Variants in ELMO1 observed in about 807,000 individuals in gnomAD.
ELMO1 encodes the protein engulfment and cell motility 1.
A neutral mutation model predicts 98.9 loss-of-function variants in ELMO1; 26 were observed. The ratio of observed to expected loss-of-function variants is 0.26; its 90% confidence interval spans 0.19 to 0.36. The LOEUF is 0.36. ELMO1 is among the 10% of genes least tolerant of loss of function. The pLI, the probability that ELMO1 is intolerant of heterozygous loss-of-function variation, is 1.00. For synonymous variants in ELMO1, 346 were observed against 346.0 expected (o/e 1.00, Z 0.00); for missense variants, 627 against 935.2 (o/e 0.67, Z 4.30).
At chr7:37,249,000 T>TA (rs1795173637) in intron 6 of ELMO1, among the ~76,000 whole-genome samples, 1 of 152,232 alleles carries the variant, frequency 6.6e-6, no homozygotes, top group Admixed American at 6.5e-5. Context: ...CACCTCCTCT[T>TA]ACGTCTCACA....
At chr7:37,391,853 T>C (rs1803092087) in intron 1 of ELMO1, among the ~76,000 whole-genome samples, 1 of 152,192 alleles carries the variant, frequency 6.6e-6, no homozygotes, top group South Asian at 2.1e-4. Context: ...CCAGAAGGCC[T>C]ACAGGAGAAG....
chr7:36,888,579 A>G (rs1375889859), intron 17 of ELMO1, among the ~76,000 whole-genome samples: 1 of 152,186 alleles, frequency 6.6e-6, no homozygotes, highest in Admixed American at 6.5e-5. Flanking sequence ...TCTAAGTCTC[A>G]GTTTCTTCAT....
intron 1 of ELMO1, among the ~76,000 whole-genome samples, chr7:37,364,942 G>C (rs1202649534): frequency 6.6e-6 from 1 of 152,178 alleles, no homozygotes; most frequent in Non-Finnish European, 1.5e-5. Context: ...CATTATATTT[G>C]ACAGTCGTGA....
intron 1 of ELMO1, among the ~76,000 whole-genome samples, chr7:37,425,341 C>T (rs1216456787): frequency 6.6e-6 from 1 of 152,156 alleles, no homozygotes; most frequent in Non-Finnish European, 1.5e-5. Context: ...ACCCTCAGGA[C>T]CTAAGGCCCT....
chr7:37,174,766 T>TCAAG lies in ELMO1; in HGVS notation c.1086+36616_1086+36619dup, dbSNP rs1171509679. Among the ~76,000 whole-genome samples, 5 of 152,234 alleles carry TCAAG rather than the reference T, an allele frequency of 3.3e-5. No individual in the cohort carries two copies. The East Asian group carries it at 9.7e-4, about 29-fold the overall frequency. ...ATTACATGGCAAGGAGAGGTCAATA[T>TCAAG]CAAGCTAAAATGGAACCCAGCTGTC... On this transcript the variant is annotated intron_variant, in intron 13 of 21. Coordinates refer to ENST00000310758, the MANE Select transcript of ELMO1 (RefSeq NM_014800.11).
chr7:37,038,141 G>A (rs1795296212), intron 15 of ELMO1, among the ~76,000 whole-genome samples: 1 of 152,216 alleles, frequency 6.6e-6, no homozygotes, highest in East Asian at 1.9e-4. Context: ...AACAAAACAA[G>A]CATTGGTCCC....
At chr7:37,431,342 TA>T (rs59912926) in intron 1 of ELMO1, among the ~76,000 whole-genome samples, 1 of 132,438 alleles carries the variant, frequency 7.6e-6, no homozygotes, top group Non-Finnish European at 1.8e-5. Flanking sequence ...GTCTCTAAAA[TA>T]AAAAAAAATT....
intron 14 of ELMO1, among the ~76,000 whole-genome samples, chr7:37,121,866 T>C (rs11976236): frequency 0.013 from 1,954 of 151,938 alleles, 48 homozygotes; most frequent in African/African-American, 0.045. Context: ...AAGGAAAAAA[T>C]GTTAAGGGCA....
intron 5 of ELMO1, among the ~76,000 whole-genome samples, chr7:37,268,135 AAT>A (rs1401402277): frequency 1.3e-5 from 2 of 152,220 alleles, no homozygotes; most frequent in East Asian, 1.9e-4. Context: ...CTGATTTTAA[AAT>A]ATGCTGCATG....
At chr7:37,313,281 G>A (rs1051962226) in intron 4 of ELMO1, among the ~76,000 whole-genome samples, 14 of 152,144 alleles carry the variant, frequency 9.2e-5, no homozygotes, top group Non-Finnish European at 1.5e-4. Flanking sequence ...CTGGAGTGCA[G>A]TGGCACGATC....
chr7:37,424,215 G>C (rs1804612016), intron 1 of ELMO1, among the ~76,000 whole-genome samples: 1 of 152,212 alleles, frequency 6.6e-6, no homozygotes, highest in East Asian at 1.9e-4. Flanking sequence ...CATATGCTTT[G>C]ATCTTCTTTA....
intron 13 of ELMO1, among the ~76,000 whole-genome samples, chr7:37,164,369 T>C (rs1789477885): frequency 6.6e-6 from 1 of 152,070 alleles, no homozygotes; most frequent in Non-Finnish European, 1.5e-5. Flanking sequence ...ATTTTGGCTT[T>C]TGTTGCCATT....
At chr7:37,031,634 T>C (rs1181414958) in intron 15 of ELMO1, among the ~76,000 whole-genome samples, 2 of 152,180 alleles carry the variant, frequency 1.3e-5, no homozygotes, top group Non-Finnish European at 2.9e-5. Context: ...ATGCTCTGTT[T>C]GCTTTTTTGT....
chr7:37,004,890 C>T (rs1226710666), intron 16 of ELMO1, among the ~76,000 whole-genome samples: 1 of 151,994 alleles, frequency 6.6e-6, no homozygotes, highest in Non-Finnish European at 1.5e-5. Context: ...ACGGGTGGAT[C>T]ATGAGGTCAG....
At chr7:36,965,415 T>C (rs1789335572) in intron 16 of ELMO1, among the ~76,000 whole-genome samples, 1 of 152,170 alleles carries the variant, frequency 6.6e-6, no homozygotes, top group African/African-American at 2.4e-5. Context: ...AACCTTATCC[T>C]TTCTCCCAGA....
chr7:37,433,910 C>T (rs1376829224), intron 1 of ELMO1, among the ~76,000 whole-genome samples: 2 of 152,170 alleles, frequency 1.3e-5, no homozygotes, highest in East Asian at 1.9e-4. Flanking sequence ...CTAACCCACC[C>T]ACTCAGAACC....
intron 15 of ELMO1, among the ~76,000 whole-genome samples, chr7:37,060,680 C>G (rs141686369): frequency 1.3e-5 from 2 of 152,224 alleles, no homozygotes; most frequent in Non-Finnish European, 2.9e-5. Context: ...AACAAAAAAC[C>G]CAAGTGACCA....
intron 1 of ELMO1, among the ~76,000 whole-genome samples, chr7:37,426,463 T>A (rs1264256298): frequency 1.3e-5 from 2 of 152,080 alleles, no homozygotes; most frequent in East Asian, 3.9e-4. Flanking sequence ...TTGTATTTGC[T>A]ATAAAATAAA....
chr7:37,055,345 C>G (rs1796338512), intron 15 of ELMO1, among the ~76,000 whole-genome samples: 4 of 152,194 alleles, frequency 2.6e-5, no homozygotes. Flanking sequence ...GGCTGATTTC[C>G]CTTTGTGAAC....
Sources: allele counts gnomAD v4.1 joint callset (sites outside exome capture counted in the v4.1 genomes callset), GRCh38; gene constraint gnomAD v4.1.1; transcripts MANE v1.5; gene names NCBI Gene and HGNC (gene_info 2026-07-23, HGNC 2026-07-21).